Variants in STPG2 observed in about 807,000 individuals in gnomAD.
STPG2 encodes the protein sperm tail PG-rich repeat containing 2.
Under a neutral mutation model 54.2 loss-of-function variants are expected in STPG2, and 56 were observed. The observed-to-expected ratio is 1.03, with a 90% CI of 0.83 to 1.29. STPG2 has a LOEUF of 1.29. Ranked by LOEUF, STPG2 falls within the 50% of genes most tolerant of loss-of-function variation. The pLI is 0.00. For synonymous variants in STPG2, 200 were observed against 181.8 expected (o/e 1.10, Z -0.81); for missense variants, 596 against 544.9 (o/e 1.09, Z -0.93).
chr4:97,965,749 C>A (rs998224888), intron 7 of STPG2, among the ~76,000 whole-genome samples: 1 of 152,180 alleles, frequency 6.6e-6, no homozygotes, highest in African/African-American at 2.4e-5. Context: ...CTCCAGCAAA[C>A]TCCAACAGAC....
chr4:97,473,340 G>A (rs1383625653), intron 4 of STPG2, among the ~76,000 whole-genome samples: 9 of 152,166 alleles, frequency 5.9e-5, no homozygotes, highest in Non-Finnish European at 1.5e-5. Context: ...ACATCCCTGA[G>A]AAAGAGAATG....
chr4:97,628,869 G>A (rs1445633734), intron 10 of STPG2, among the ~76,000 whole-genome samples: 1 of 151,854 alleles, frequency 6.6e-6, no homozygotes, highest in Non-Finnish European at 1.5e-5. Flanking sequence ...GATTAACTTC[G>A]TGCTGGTAAG....
intron 3 of STPG2, among the ~76,000 whole-genome samples, chr4:98,112,146 A>G (rs112969367): frequency 4.6e-5 from 7 of 152,248 alleles, no homozygotes; most frequent in East Asian, 3.9e-4. Flanking sequence ...ATAGTTATGT[A>G]CCACATAATG....
At chr4:97,961,464 C>A (rs1285516148) in intron 7 of STPG2, among the ~76,000 whole-genome samples, 2 of 152,164 alleles carry the variant, frequency 1.3e-5, no homozygotes, top group Non-Finnish European at 2.9e-5. Flanking sequence ...ATACATCTGA[C>A]AAAGGACTAA....
intron 7 of STPG2, among the ~76,000 whole-genome samples, chr4:97,964,153 C>T (rs1317598633): frequency 6.6e-6 from 1 of 152,180 alleles, no homozygotes; most frequent in Non-Finnish European, 1.5e-5. Context: ...AGACAAAGGA[C>T]TTTATTCCTC....
In STPG2 at chr4:97,857,184, G is replaced by C. The variant is rs112957137; in HGVS notation, c.1045-16252C>G. ...GGTTCTGGCCTCAAAGAATGAGTTA[G>C]ACAGGAGTCTCTTCTTTTCAACTTT... On this transcript the variant is annotated intron_variant, in intron 8 of 10. Transcript: ENST00000295268. Among the ~76,000 whole-genome samples, 864 of 152,266 alleles carry C rather than the reference G, an allele frequency of 5.7e-3. 5 individuals carry two copies. The highest frequency in any genetic ancestry group is 0.02 in the Middle Eastern group (6 of 294).
At chr4:97,768,166 CAA>C (rs35923469) in intron 9 of STPG2, among the ~76,000 whole-genome samples, 1 of 126,970 alleles carries the variant, frequency 7.9e-6, no homozygotes, top group African/African-American at 2.8e-5. Flanking sequence ...GACTCCGTCT[CAA>C]AAAAAAAAAA....
chr4:97,659,324 G>A (rs1722306344), intron 10 of STPG2, among the ~76,000 whole-genome samples: 1 of 152,136 alleles, frequency 6.6e-6, no homozygotes, highest in Admixed American at 6.6e-5. Context: ...CTTGGATTGA[G>A]CATATTCAGG....
At chr4:97,533,742 C>A in intron 4 of STPG2, among the ~76,000 whole-genome samples, 1 of 151,956 alleles carries the variant, frequency 6.6e-6, no homozygotes, top group East Asian at 1.9e-4. Context: ...GAGTAACCCT[C>A]CATTGTGTGA....
At chr4:97,477,540 G>C (rs1199013570) in intron 4 of STPG2, among the ~76,000 whole-genome samples, 2 of 145,792 alleles carry the variant, frequency 1.4e-5, no homozygotes, top group Non-Finnish European at 3.0e-5. Context: ...GCAGTGGCAC[G>C]ATCTCGGCTC....
At chr4:97,799,993 A>T (rs1205126116) in intron 9 of STPG2, among the ~76,000 whole-genome samples, 1 of 152,144 alleles carries the variant, frequency 6.6e-6, no homozygotes, top group African/African-American at 2.4e-5. Flanking sequence ...AAGCTTGTGA[A>T]TTTGTCACGT....
chr4:97,928,695 A>C (rs1168713561), intron 8 of STPG2, among the ~76,000 whole-genome samples: 1 of 152,054 alleles, frequency 6.6e-6, no homozygotes, highest in Non-Finnish European at 1.5e-5. Context: ...GTTTAATATA[A>C]GGCCTAATAC....
rs549260358 is a variant in STPG2 at position 97,458,855 on chromosome 4, T to C, written c.462+253844A>G. Among the ~76,000 whole-genome samples, 3 of 152,286 alleles carry C rather than the reference T, an allele frequency of 2.0e-5. No individual in the cohort carries two copies. In the South Asian group the frequency reaches 6.2e-4, roughly 32 times the overall value. On this transcript the variant is annotated intron_variant, in intron 4 of 4. Transcript: ENST00000522676. ...ACAAAGAAAGACTGAGGAAGTGTTCTAGATTAAAGGATATTAAAGGAACAT... is the reference window on the plus strand; with the variant it reads ...ACAAAGAAAGACTGAGGAAGTGTTCCAGATTAAAGGATATTAAAGGAACAT...
intron 10 of STPG2, among the ~76,000 whole-genome samples, chr4:97,560,984 T>C (rs1163998255): frequency 6.6e-6 from 1 of 152,174 alleles, no homozygotes; most frequent in East Asian, 1.9e-4. Context: ...GATGGCCGGG[T>C]CAAATGGTAT....
At chr4:97,973,405 A>T (rs1734399846) in intron 6 of STPG2, among the ~76,000 whole-genome samples, 1 of 152,220 alleles carries the variant, frequency 6.6e-6, no homozygotes, top group African/African-American at 2.4e-5. Context: ...GGTGCTGTTA[A>T]AGGCATTCAG....
chr4:97,849,559 C>A (rs1392121731), intron 8 of STPG2, among the ~76,000 whole-genome samples: 2 of 151,924 alleles, frequency 1.3e-5, no homozygotes, highest in Non-Finnish European at 2.9e-5. Flanking sequence ...ACAATGAACT[C>A]AAACAAATTC....
intron 10 of STPG2, among the ~76,000 whole-genome samples, chr4:97,563,055 G>T (rs1223420159): frequency 6.6e-6 from 1 of 152,124 alleles, no homozygotes; most frequent in Non-Finnish European, 1.5e-5. Flanking sequence ...GAATTCGGCT[G>T]TGAATCCATC....
At chr4:97,566,068 T>C (rs1340570651) in intron 10 of STPG2, among the ~76,000 whole-genome samples, 2 of 152,196 alleles carry the variant, frequency 1.3e-5, no homozygotes, top group Admixed American at 6.5e-5. Context: ...GCAGGCCTCC[T>C]TGAGCTGTGG....
intron 10 of STPG2, among the ~76,000 whole-genome samples, chr4:97,638,043 C>T (rs1196756137): frequency 1.3e-5 from 2 of 152,124 alleles, no homozygotes; most frequent in East Asian, 3.9e-4. Flanking sequence ...CAAGTCAATC[C>T]TAAGCCAAAA....
Sources: allele counts gnomAD v4.1 joint callset (sites outside exome capture counted in the v4.1 genomes callset), GRCh38; gene constraint gnomAD v4.1.1; transcripts MANE v1.5; gene names NCBI Gene and HGNC (gene_info 2026-07-23, HGNC 2026-07-21).